Variants in EYS observed in about 807,000 individuals in gnomAD.
EYS encodes protein eyes shut homolog.
EYS carries 250 observed loss-of-function variants against 282.1 expected under a neutral mutation model. That is an observed-to-expected ratio of 0.89 (90% CI 0.80 to 0.98). The LOEUF (loss-of-function observed/expected upper bound fraction) is 0.98. Ranked by LOEUF, EYS falls within the 50% of genes least tolerant of loss-of-function variation. The probability of loss-of-function intolerance (pLI) is 0.00; values close to 1 mark genes in which losing one functional copy is unlikely to be tolerated. For synonymous variants in EYS, 1,355 were observed against 1,282.9 expected (o/e 1.06, Z -1.20); for missense variants, 4,016 against 3,709.0 (o/e 1.08, Z -2.15).
At chr6:65,146,165 T>C (rs184148744) in intron 12 of EYS, among the ~76,000 whole-genome samples, 191 of 147,582 alleles carry the variant, frequency 1.3e-3, no homozygotes, top group Non-Finnish European at 2.0e-3. Flanking sequence ...AAGTAACACT[T>C]GAAAAAAATA....
chr6:65,190,018 C>T (rs1765603734), intron 12 of EYS, among the ~76,000 whole-genome samples: 1 of 151,440 alleles, frequency 6.6e-6, no homozygotes, highest in African/African-American at 2.4e-5. Context: ...ATCACAAGGG[C>T]CACAGATGAT....
intron 26 of EYS, among the ~76,000 whole-genome samples, chr6:64,533,895 A>T (rs1327135482): frequency 6.6e-6 from 1 of 151,960 alleles, no homozygotes; most frequent in African/African-American, 2.4e-5. Flanking sequence ...AAGCAAACAT[A>T]ACAATGTATT....
Position 64,954,017 on chromosome 6 carries a change from A to G in EYS, c.2260-8103T>C, listed in dbSNP as rs1769604424. Among the ~76,000 whole-genome samples the G allele has an allele frequency of 2.0e-5, 3 of 152,128 alleles. No homozygotes were observed. In the East Asian group the frequency reaches 5.8e-4, roughly 29 times the overall value. Reference sequence around the variant, plus strand: ...ATACTTTTCATTAGTAACAAAAAAAAAAGCAAATGGTCATTTTAGTGCCTA... The same window carrying G: ...ATACTTTTCATTAGTAACAAAAAAAGAAGCAAATGGTCATTTTAGTGCCTA... On this transcript the variant is annotated intron_variant, in intron 14 of 42. Transcript: ENST00000503581.
intron 21 of EYS, chr6:64,815,373 G>C (rs139288928): frequency 4.4e-6 from 1 of 227,924 alleles, no homozygotes; most frequent in African/African-American, 2.3e-5. Flanking sequence ...GATATGTATA[G>C]AATGATTTAT....
Position 63,721,766 on chromosome 6 carries a change from A to G in EYS, c.8265T>C (p.Ser2755=). 1 of 1,550,720 alleles carries G rather than the reference A, an allele frequency of 6.4e-7. No homozygotes were observed. The highest frequency in any genetic ancestry group is 8.7e-7 in the Non-Finnish European group (1 of 1,146,402). ...GDFLCISLVN[S]SVQLRYNLGD... ...CAAGGTTGTAGCGAAGTTGAACGGA[A>G]CTATTTACTAAAGAGATGCATAAAA... Residue 2755 remains serine (S), a synonymous_variant, in exon 43 of 43, where the codon AGT becomes AGC. Coordinates refer to ENST00000503581, the MANE Select transcript of EYS (RefSeq NM_001142800.2).
chr6:64,818,581 G>T (rs1764810758), intron 21 of EYS, among the ~76,000 whole-genome samples: 1 of 152,118 alleles, frequency 6.6e-6, no homozygotes, highest in African/African-American at 2.4e-5. Flanking sequence ...TGTGGCTGAA[G>T]GCCCGAAAGC....
At chr6:65,599,338 T>C (rs924524514) in intron 2 of EYS, among the ~76,000 whole-genome samples, 3 of 152,124 alleles carry the variant, frequency 2.0e-5, no homozygotes, top group Admixed American at 6.6e-5. Context: ...CCAGAGGATT[T>C]CTTCCTTTGC....
At chr6:64,377,760 C>T (rs1582671883) in intron 29 of EYS, 1 of 151,820 alleles carries the variant, frequency 6.6e-6, no homozygotes, top group South Asian at 2.1e-4. Flanking sequence ...AAACATCAGA[C>T]CCGATCTCTC....
intron 28 of EYS, among the ~76,000 whole-genome samples, chr6:64,423,208 T>C (rs931087962): frequency 6.6e-6 from 1 of 152,176 alleles, no homozygotes; most frequent in Non-Finnish European, 1.5e-5. Flanking sequence ...GGATTAACAA[T>C]TATTGATATG....
chr6:64,590,253 T>A lies in EYS; in HGVS notation c.5614A>T (p.Ile1872Phe). Residue 1872 changes from isoleucine to phenylalanine, a missense_variant, in exon 26 of 43, where the codon ATT becomes TTT. Coordinates refer to ENST00000503581, the MANE Select transcript of EYS (RefSeq NM_001142800.2). ...RSLTLSSLES[I>F]LAPQRLMISD... ...ATCATCAGCCGTTGAGGTGCCAGAA[T>A]GGATTCCAGTGAAGACAAAGTAAGA... The A allele has an allele frequency of 6.5e-7, 1 of 1,548,746 alleles. No individual in the cohort carries two copies. Among genetic ancestry groups the A allele is most frequent in the Non-Finnish European group, 8.7e-7 (1 of 1,145,446 alleles).
intron 30 of EYS, among the ~76,000 whole-genome samples, chr6:64,262,668 C>T (rs1767628191): frequency 6.6e-6 from 1 of 151,966 alleles, no homozygotes; most frequent in Non-Finnish European, 1.5e-5. Context: ...TGGAGAGAAA[C>T]ATCTTAAGGC....
intron 31 of EYS, among the ~76,000 whole-genome samples, chr6:64,139,795 C>T (rs138398924): frequency 0.019 from 2,931 of 151,866 alleles, 80 homozygotes; most frequent in African/African-American, 0.066. Context: ...ATGGGAAAAC[C>T]CCGTCTCTAC....
At chr6:64,095,323 C>T (rs995592206) in intron 31 of EYS, among the ~76,000 whole-genome samples, 2 of 152,084 alleles carry the variant, frequency 1.3e-5, no homozygotes, top group African/African-American at 4.8e-5. Flanking sequence ...AACTTTCTGT[C>T]TCGTTGATCT....
At chr6:65,039,507 T>A (rs186900992) in intron 13 of EYS, among the ~76,000 whole-genome samples, 3 of 151,450 alleles carry the variant, frequency 2.0e-5, no homozygotes, top group East Asian at 1.9e-4. Flanking sequence ...TGTCAATTTT[T>A]AAAAAAAACT....
At chr6:64,392,839 G>C (rs999473490) in intron 28 of EYS, among the ~76,000 whole-genome samples, 1 of 151,812 alleles carries the variant, frequency 6.6e-6, no homozygotes, top group African/African-American at 2.4e-5. Context: ...GAATCCAGGA[G>C]CTGGATTTTT....
At chr6:63,870,618 A>G (rs1392543605) in intron 35 of EYS, among the ~76,000 whole-genome samples, 2 of 152,136 alleles carry the variant, frequency 1.3e-5, no homozygotes, top group Non-Finnish European at 2.9e-5. Flanking sequence ...AAAAGCAAGA[A>G]ATTTAGAGGT....
At chr6:64,682,560 A>C (rs1458199968) in intron 22 of EYS, among the ~76,000 whole-genome samples, 3 of 152,136 alleles carry the variant, frequency 2.0e-5, no homozygotes, top group Non-Finnish European at 4.4e-5. Flanking sequence ...GGGGCAGTTC[A>C]TCAGAAAAGT....
At chr6:65,186,113 T>A (rs1406226797) in intron 12 of EYS, among the ~76,000 whole-genome samples, 1 of 151,776 alleles carries the variant, frequency 6.6e-6, no homozygotes, top group African/African-American at 2.4e-5. Context: ...TAATCTGTCT[T>A]AGATATTATC....
At chr6:63,909,292 T>C (rs1773858490) in intron 35 of EYS, among the ~76,000 whole-genome samples, 1 of 152,224 alleles carries the variant, frequency 6.6e-6, no homozygotes, top group South Asian at 2.1e-4. Flanking sequence ...CCTGTCTGTG[T>C]TTTCTTCCAA....
Sources: gnomAD v4.1 joint callset for allele counts (sites outside exome capture counted in the v4.1 genomes callset) on GRCh38, gnomAD v4.1.1 for gene constraint, MANE v1.5 for transcripts, NCBI Gene and HGNC (gene_info 2026-07-23, HGNC 2026-07-21) for gene names.